The following PPL variants were observed in gnomAD, a reference collection of about 807,000 sequenced individuals.
PPL encodes 190 kDa paraneoplastic pemphigus antigen.
A neutral mutation model predicts 194.4 loss-of-function variants in PPL; 198 were observed. That is an observed-to-expected ratio of 1.02 (90% CI 0.91 to 1.15). The LOEUF is 1.15. Ranked by LOEUF, PPL falls within the 50% of genes most tolerant of loss-of-function variation. The pLI, the probability that PPL is intolerant of heterozygous loss-of-function variation, is 0.00. For synonymous variants in PPL, 1,220 were observed against 972.4 expected (o/e 1.25, Z -4.74); for missense variants, 2,885 against 2,294.8 (o/e 1.26, Z -5.25).
chr16:4,936,983 C>T lies in PPL; in HGVS notation c.62+1G>A. ...GAGCGGAGCTGTGGGCGCCTCCTCA[C>T]CTCCGGGTCTGCACAGTGGGGCTGT... On this transcript the variant is annotated splice_donor_variant, in intron 1 of 21. Coordinates refer to ENST00000345988, the MANE Select transcript of PPL (RefSeq NM_002705.5). LOFTEE classifies it high-confidence loss of function. 1.3e-6 allele frequency: 2 copies of T among 1,588,712 alleles called. No individual in the cohort carries two copies.
chr16:4,933,280 C>A (rs2089248961), intron 1 of PPL, among the ~76,000 whole-genome samples: 1 of 152,196 alleles, frequency 6.6e-6, no homozygotes, highest in Non-Finnish European at 1.5e-5. Flanking sequence ...TCCTGCCTCC[C>A]ATGCAGGAGC....
chr16:4,893,690 C>A, intron 12 of PPL, 52 bp from the exon 13 acceptor site: 2 of 1,468,092 alleles, frequency 1.4e-6, no homozygotes, highest in Middle Eastern at 3.6e-4. Flanking sequence ...ACCCCCTGCA[C>A]CCACAGAGGC....
intron 1 of PPL, among the ~76,000 whole-genome samples, chr16:4,931,860 G>A (rs960835800): frequency 6.6e-6 from 1 of 152,222 alleles, no homozygotes; most frequent in Non-Finnish European, 1.5e-5. Flanking sequence ...ATTAGCAGCT[G>A]TTCCTCCAGG....
In PPL at chr16:4,890,908, TCA is replaced by T. The variant is rs1463718005; in HGVS notation, c.1980_1981del (p.Cys660Ter). The T allele has an allele frequency of 6.5e-7, 1 of 1,527,634 alleles. No homozygotes were observed. The highest frequency in any genetic ancestry group is 1.4e-5 in the African/African-American group (1 of 72,384). 94.6% of individuals were successfully genotyped at this position (1,527,634 alleles called of 1,614,324 possible). On this transcript the variant is annotated stop_gained and frameshift_variant, in exon 17 of 22. Transcript: ENST00000345988. LOFTEE classifies it high-confidence loss of function. ...CAGGAGGGACTTCTGGGCCTGTAAC[TCA>T]CAGGCCATGGCCTGGCGGGGCAGAG...
At chr16:4,908,422 T>TTCTCTCTCTCTCTCTCTC (rs58737308) in intron 2 of PPL, among the ~76,000 whole-genome samples, 33 of 148,526 alleles carry the variant, frequency 2.2e-4, no homozygotes, top group African/African-American at 7.6e-4. Flanking sequence ...TCTTCCTTCT[T>TTCTCTCTCTCTCTCTCTC]TCTCTCTCTC....
intron 1 of PPL, among the ~76,000 whole-genome samples, chr16:4,927,333 C>T (rs1323217736): frequency 6.6e-6 from 1 of 152,174 alleles, no homozygotes; most frequent in Non-Finnish European, 1.5e-5. Context: ...CGAGGCAATC[C>T]ATGTAACTAT....
At chr16:4,910,404 G>C (rs112064876) in intron 2 of PPL, among the ~76,000 whole-genome samples, 2 of 152,112 alleles carry the variant, frequency 1.3e-5, no homozygotes, top group South Asian at 2.1e-4. Context: ...AGAGAATCTC[G>C]TTCATGGGGA....
At chr16:4,898,283 CAGG>C (rs1420854219) in intron 8 of PPL, among the ~76,000 whole-genome samples, 3 of 152,108 alleles carry the variant, frequency 2.0e-5, no homozygotes, top group African/African-American at 7.2e-5. Context: ...GAGGCTGAGG[CAGG>C]AGAATTGCTT....
In PPL at chr16:4,884,637, C is replaced by T. The variant is rs1356670918; in HGVS notation, c.4018G>A (p.Glu1340Lys). The change falls in exon 22 of 22, where the codon GAG (glutamate) becomes AAG (lysine). Residue 1340 changes from glutamate (E) to lysine (K), a missense_variant. Coordinates refer to ENST00000345988, the MANE Select transcript of PPL (RefSeq NM_002705.5). This position sits in a 1 kb window ranked among gnomAD's most constrained non-coding sequence, Gnocchi z 5.7. ...TCCTTCACCCGCGAGAGCTCCTCCT[C>T]TTTCCGGGCGATCTGCTCTTCCTGG... ...ASQEEQIARK[E>K]EELSRVKERV... is the part of the protein sequence containing the mutation. 2 of 1,614,080 alleles carry T rather than the reference C, an allele frequency of 1.2e-6. No individual in the cohort carries two copies. Among genetic ancestry groups the T allele is most frequent in the Non-Finnish European group, 1.7e-6 (2 of 1,180,054 alleles).
intron 2 of PPL, among the ~76,000 whole-genome samples, chr16:4,905,763 G>C (rs973317224): frequency 1.3e-5 from 2 of 152,182 alleles, no homozygotes; most frequent in Non-Finnish European, 2.9e-5. Context: ...GCTGAAGGGT[G>C]AACAGGCCTG....
chr16:4,889,238 GTTGT>G (rs2088272434), intron 18 of PPL, among the ~76,000 whole-genome samples, 177 bp from the exon 19 acceptor site: 14 of 21,788 alleles, frequency 6.4e-4, no homozygotes, highest in South Asian at 4.8e-3. Flanking sequence ...TTTTGTTGTT[GTTGT>G]TTTTTTTTTT....
At chr16:4,896,001 G>C (rs568608834) in intron 9 of PPL, among the ~76,000 whole-genome samples, 1 of 152,326 alleles carries the variant, frequency 6.6e-6, no homozygotes, top group African/African-American at 2.4e-5. Flanking sequence ...TAAGTCTTGA[G>C]GTGTCTTTGA....
intron 1 of PPL, among the ~76,000 whole-genome samples, chr16:4,914,082 A>C (rs2088870645): frequency 6.6e-6 from 1 of 152,182 alleles, no homozygotes; most frequent in Non-Finnish European, 1.5e-5. Context: ...CTGGGTGCTA[A>C]AGCAAAAGGA....
At chr16:4,906,482 C>T (rs575710758) in intron 2 of PPL, among the ~76,000 whole-genome samples, 15 of 152,314 alleles carry the variant, frequency 9.8e-5, no homozygotes, top group African/African-American at 3.6e-4. Context: ...GCCTCGGCCT[C>T]CCAAAGTTCT....
At position 4,884,436 on chromosome 16, in the gene PPL, C is replaced by G. The variant is rs769583876; in HGVS notation, c.4219G>C (p.Glu1407Gln). ...TCCCTGCGGGCCTGCCGCTCGCGCT[C>G]TAGCTCCTCCAGCTGCCGCTCAAGC... is the stretch of plus-strand genomic sequence containing the variant. ...TELERQLEEL[E>Q]RERQARREAE... The change falls in exon 22 of 22, where the codon GAG becomes CAG. Residue 1407 changes from glutamate to glutamine, a missense_variant. Physicochemically the swap from Glu to Gln is conservative, Grantham distance 29. Transcript: ENST00000345988. The surrounding 1 kb of genome is among the most constrained non-coding windows in gnomAD (Gnocchi z 5.7). The G allele has an allele frequency of 6.9e-6, 11 of 1,602,750 alleles. No homozygotes were observed. The African/African-American group carries it at 1.1e-4, about 16-fold the overall frequency.
rs199977200 is a variant in PPL, at chr16:4,894,588, G to A, written c.1273C>T (p.Leu425=). 98 of 1,613,750 alleles carry A rather than the reference G, an allele frequency of 6.1e-5. No individual in the cohort carries two copies. The highest frequency in any genetic ancestry group is 7.8e-5 in the Non-Finnish European group (92 of 1,179,940). ...GLISRGYSYT[L]QKNNGESWEL... ...CAGCTCTCCCCGTTGTTCTTCTGCA[G>A]GGTGTAGCTGTAGCCCCGCGAGATC... Residue 425 remains leucine (L), a synonymous_variant, in exon 12 of 22, where the codon CTG becomes TTG. Transcript: ENST00000345988.
At chr16:4,907,445 G>A (rs1568027960) in intron 2 of PPL, among the ~76,000 whole-genome samples, 1 of 152,046 alleles carries the variant, frequency 6.6e-6, no homozygotes, top group South Asian at 2.1e-4. Flanking sequence ...TTTTCTGCAT[G>A]TTTAGCATTT....
chr16:4,897,805 C>A (rs1044546346), intron 8 of PPL, 35 bp from the exon 9 acceptor site: 12 of 1,554,018 alleles, frequency 7.7e-6, no homozygotes, highest in Admixed American at 3.4e-5. Context: ...CACCACTGGG[C>A]AGGTACTGCA....
At chr16:4,900,434 CTT>C (rs1217002366) in intron 6 of PPL, among the ~76,000 whole-genome samples, 8 of 61,642 alleles carry the variant, frequency 1.3e-4, no homozygotes, top group Non-Finnish European at 1.2e-4. Context: ...TACTGCACGC[CTT>C]TTTTTTTTTT....
Sources: allele counts gnomAD v4.1 joint callset (sites outside exome capture counted in the v4.1 genomes callset), GRCh38; gene constraint gnomAD v4.1.1; non-coding constraint Gnocchi (gnomAD v3.1); transcripts MANE v1.5; gene names NCBI Gene and HGNC (gene_info 2026-07-23, HGNC 2026-07-21).